PARVB: variants seen among roughly 807,000 people sequenced by gnomAD.
PARVB encodes the protein parvin beta.
In PARVB, 46 loss-of-function variants were observed where a neutral mutation model predicts 47.0. The ratio of observed to expected loss-of-function variants is 0.98; its 90% confidence interval spans 0.77 to 1.25. The LOEUF is 1.25. Among genes scored for constraint, PARVB ranks in the 50% most tolerant of loss-of-function variants. The pLI is 0.00. For synonymous variants in PARVB, 196 were observed against 196.3 expected (o/e 1.00, Z 0.01); for missense variants, 473 against 471.6 (o/e 1.00, Z -0.03).
At chr22:44,124,289 G>A (rs2053138593) in intron 4 of PARVB, among the ~76,000 whole-genome samples, 1 of 152,208 alleles carries the variant, frequency 6.6e-6, no homozygotes, top group Admixed American at 6.5e-5. Flanking sequence ...ACAAATGCCT[G>A]TGACGGTGGC....
chr22:44,069,622 A>G lies in PARVB; in HGVS notation c.113-24306A>G, dbSNP rs565213874. 3.3e-5 allele frequency among the ~76,000 whole-genome samples: 5 copies of G among 151,862 alleles called. No individual in the cohort carries two copies. In the East Asian group the frequency reaches 7.7e-4, roughly 23 times the overall value. ...TGGCTCACTGCAACCTCTGCCTCCCAGGTTCAAGTGATCCTCCTGCCTCAG... is the reference window on the plus strand; with the variant it reads ...TGGCTCACTGCAACCTCTGCCTCCCGGGTTCAAGTGATCCTCCTGCCTCAG... On this transcript the variant is annotated intron_variant, in intron 1 of 12. Coordinates refer to ENST00000338758, the MANE Select transcript of PARVB (RefSeq NM_013327.5).
chr22:44,154,499 G>T (rs112144342), intron 10 of PARVB, among the ~76,000 whole-genome samples: 7 of 149,108 alleles, frequency 4.7e-5, no homozygotes, highest in African/African-American at 1.2e-4. Context: ...GTCTGTTGGG[G>T]GTGTGTGTGT....
chr22:44,140,601 T>A, intron 8 of PARVB: 1 of 519,890 alleles, frequency 1.9e-6, no homozygotes. Flanking sequence ...TTCCTTAGAG[T>A]CAGGCAGCCA....
At chr22:44,099,402 C>T (rs940466132) in intron 2 of PARVB, among the ~76,000 whole-genome samples, 9 of 152,184 alleles carry the variant, frequency 5.9e-5, no homozygotes, top group Admixed American at 3.9e-4. Flanking sequence ...TCCTCCATGA[C>T]GGGCTCAGCT....
intron 3 of PARVB, among the ~76,000 whole-genome samples, chr22:44,118,641 A>AC (rs1415908430): frequency 6.6e-6 from 1 of 152,230 alleles, no homozygotes; most frequent in Non-Finnish European, 1.5e-5. Context: ...CAAGGTGAAC[A>AC]CGAGATGCTC....
chr22:44,145,147 C>T (rs773049990), intron 8 of PARVB: 13 of 152,270 alleles, frequency 8.5e-5, no homozygotes, highest in Non-Finnish European at 1.9e-4. Flanking sequence ...TCCTGCCAGG[C>T]TCCATGCTCC....
chr22:44,131,834 G>A (rs738483), intron 5 of PARVB, among the ~76,000 whole-genome samples: 41,017 of 152,082 alleles, frequency 0.27, 6,077 homozygotes, highest in Admixed American at 0.43. Context: ...AAAGGGACCT[G>A]GTCAGGCCAC....
chr22:44,165,878 A>T (rs994047378), intron 12 of PARVB, among the ~76,000 whole-genome samples: 3 of 152,168 alleles, frequency 2.0e-5, no homozygotes, highest in African/African-American at 7.2e-5. Context: ...GTCCCTGCTG[A>T]TGGTGGCTGC....
At chr22:44,120,044 A>G (rs1225346358) in intron 4 of PARVB, 1 of 363,362 alleles carries the variant, frequency 2.8e-6, no homozygotes, top group Non-Finnish European at 5.5e-6. Context: ...CAGTACTGCC[A>G]TCGCCTTCGA....
At chr22:44,017,912 T>G (rs1249270418) in intron 2 of PARVB, among the ~76,000 whole-genome samples, 1 of 152,154 alleles carries the variant, frequency 6.6e-6, no homozygotes, top group Non-Finnish European at 1.5e-5. Context: ...GGCTATTGTT[T>G]GAGAATGATG....
intron 1 of PARVB, among the ~76,000 whole-genome samples, chr22:44,042,427 G>T (rs528967760): frequency 6.6e-6 from 1 of 152,110 alleles, no homozygotes; most frequent in Non-Finnish European, 1.5e-5. Context: ...AAGTGAAGGG[G>T]CTGGGGCTTT....
At chr22:44,056,808 T>C (rs911569906) in intron 1 of PARVB, among the ~76,000 whole-genome samples, 2 of 151,836 alleles carry the variant, frequency 1.3e-5, no homozygotes, top group African/African-American at 4.8e-5. Flanking sequence ...CTGGCCTTTG[T>C]GCCCCAGTTT....
chr22:44,035,393 C>T (rs1401970579), intron 1 of PARVB, among the ~76,000 whole-genome samples: 16 of 125,320 alleles, frequency 1.3e-4, no homozygotes, highest in African/African-American at 2.8e-4. Flanking sequence ...TTTTTTGAGA[C>T]GGAGTCTCGC....
At chr22:44,167,190 A>G (rs775797198) in intron 12 of PARVB, among the ~76,000 whole-genome samples, 20 of 152,284 alleles carry the variant, frequency 1.3e-4, no homozygotes, top group Non-Finnish European at 1.6e-4. Context: ...GCTCTTAAGG[A>G]GGCCCCTTGC....
chr22:44,089,567 A>C lies in PARVB; in HGVS notation c.113-4361A>C, dbSNP rs1353385340. ...AGACCGGTACTTTAAAAACCAAAAC[A>C]TTCCTGGGATTCACTGAAAGCCAGT... is the stretch of plus-strand genomic sequence containing the variant. On this transcript the variant is annotated intron_variant, in intron 1 of 12. Coordinates refer to ENST00000338758, the MANE Select transcript of PARVB (RefSeq NM_013327.5). This position sits in a 1 kb window ranked among gnomAD's most constrained non-coding sequence, Gnocchi z 4.0. 7.1e-6 allele frequency: 1 copy of C among 140,098 alleles called. No individual in the cohort carries two copies. Among genetic ancestry groups the C allele is most frequent in the Non-Finnish European group, 1.5e-5 (1 of 65,284 alleles). The allele number at this position is 140,098 out of a possible 1,614,324, so 8.7% of individuals were successfully genotyped here.
Position 44,170,676 on chromosome 22 carries a change from G to GC in PARVB, c.*2006dup, listed in dbSNP as rs991691296. The GC allele has an allele frequency of 9.1e-5, 12 of 132,202 alleles. No homozygotes were observed. The highest frequency in any genetic ancestry group is 2.0e-4 in the East Asian group (1 of 4,940). 8.2% of individuals were successfully genotyped at this position (132,202 alleles called of 1,614,324 possible). A position where few individuals can be genotyped will look rare whatever the true frequency, so the allele number is the denominator to read the frequency against. The stretch of plus-strand genomic sequence containing the variant: ...GTCGCAGTCAGTCCCTCGCTGTGGC[G>GC]CCCCCCCCTCCCCCAGCTCCTTCCC... On this transcript the variant is annotated 3_prime_UTR_variant, in exon 13 of 13. Transcript: ENST00000338758.
At chr22:44,023,495 A>T (rs2050675816), upstream of PARVB, among the ~76,000 whole-genome samples, 1 of 151,866 alleles carries the variant, frequency 6.6e-6, no homozygotes, top group Non-Finnish European at 1.5e-5. Flanking sequence ...TGGGCAACAA[A>T]GCAAGACTAC....
chr22:44,031,471 A>G (rs2050825847), intron 1 of PARVB: 1 of 151,688 alleles, frequency 6.6e-6, no homozygotes, highest in Non-Finnish European at 1.5e-5. Flanking sequence ...TTGAAGGCCT[A>G]CTAAGAGCTG....
intron 2 of PARVB, among the ~76,000 whole-genome samples, chr22:44,018,708 G>T (rs1025375364): frequency 6.6e-6 from 1 of 152,086 alleles, no homozygotes; most frequent in Admixed American, 6.5e-5. Flanking sequence ...TTCTCTCAAT[G>T]GCCACCTCCT....
Sources: gnomAD v4.1 joint callset for allele counts (sites outside exome capture counted in the v4.1 genomes callset) on GRCh38, gnomAD v4.1.1 for gene constraint, Gnocchi (gnomAD v3.1) non-coding constraint, MANE v1.5 for transcripts, NCBI Gene and HGNC (gene_info 2026-07-23, HGNC 2026-07-21) for gene names.